The following ADAMTS18 variants were observed in gnomAD, a reference collection of about 807,000 sequenced individuals.
ADAMTS18 encodes the protein A disintegrin and metalloproteinase with thrombospondin motifs 18.
In ADAMTS18, 157 loss-of-function variants were observed where a neutral mutation model predicts 165.9. The ratio of observed to expected loss-of-function variants is 0.95; its 90% confidence interval spans 0.83 to 1.08. ADAMTS18 has a LOEUF of 1.08. ADAMTS18 is among the 50% of genes least tolerant of loss of function. The pLI is 0.00. For synonymous variants in ADAMTS18, 782 were observed against 578.2 expected, an observed-to-expected ratio of 1.35 and a Z score of -5.06; for missense variants, 2,040 against 1,534.0, an observed-to-expected ratio of 1.33 and a Z score of -5.51.
chr16:77,423,971 G>C (rs2057637850), intron 3 of ADAMTS18, among the ~76,000 whole-genome samples: 1 of 152,118 alleles, frequency 6.6e-6, no homozygotes, highest in East Asian at 1.9e-4. Flanking sequence ...CCTTCTCCTA[G>C]TTCAAAGTCA....
rs267604648 is a variant in ADAMTS18 at position 77,319,978 on chromosome 16, G to C, written c.2403C>G (p.Thr801=). The C allele has an allele frequency of 1.2e-6, 2 of 1,614,150 alleles. No individual in the cohort carries two copies. The highest frequency in any genetic ancestry group is 1.7e-6 in the Non-Finnish European group (2 of 1,180,008). Residue 801 remains threonine (T), a synonymous_variant, in exon 16 of 23, where the codon ACC becomes ACG. Transcript: ENST00000282849. ...VRSLSQKYYL[T]GGWSIDWPGE... ...CAGGCCAGTCGATGCTCCAGCCCCCGGTGAGGTAATACTTTTGACTGAGGC... is the reference window on the plus strand; with the variant it reads ...CAGGCCAGTCGATGCTCCAGCCCCCCGTGAGGTAATACTTTTGACTGAGGC...
rs556828121 is a variant in ADAMTS18, at chr16:77,405,559, G to A, written c.495+25736C>T. ...TTAAGCCTACAAAAGTTATTCCTCT[G>A]CTTTAATAGATGGGAGATCTTGAGT... On this transcript the variant is annotated intron_variant, in intron 3 of 22. Coordinates refer to ENST00000282849, the MANE Select transcript of ADAMTS18 (RefSeq NM_199355.4). 3.9e-5 allele frequency among the ~76,000 whole-genome samples: 6 copies of A among 152,280 alleles called. No homozygotes were observed. The South Asian group carries it at 1.0e-3, about 26-fold the overall frequency.
chr16:77,418,677 T>C (rs992357587), intron 3 of ADAMTS18, among the ~76,000 whole-genome samples: 9 of 152,308 alleles, frequency 5.9e-5, no homozygotes, highest in African/African-American at 1.7e-4. Flanking sequence ...TAAGAAAACT[T>C]GCTTCTTCTC....
chr16:77,396,340 TC>T (rs1386963231), intron 3 of ADAMTS18, among the ~76,000 whole-genome samples: 1 of 152,220 alleles, frequency 6.6e-6, no homozygotes, highest in Non-Finnish European at 1.5e-5. Context: ...AAGAAATTTA[TC>T]AATATGGCTT....
chr16:77,348,561 T>C (rs534073061), intron 10 of ADAMTS18, among the ~76,000 whole-genome samples: 1 of 152,340 alleles, frequency 6.6e-6, no homozygotes, highest in African/African-American at 2.4e-5. Context: ...TCACTCCTGC[T>C]GCTTTGAGGA....
chr16:77,419,930 C>T (rs1434186243), intron 3 of ADAMTS18, among the ~76,000 whole-genome samples: 4 of 140,902 alleles, frequency 2.8e-5, no homozygotes, highest in East Asian at 2.1e-4. Context: ...ACCCAGGAGG[C>T]GGAGGTTGCA....
At position 77,321,134 on chromosome 16, in the gene ADAMTS18, A is replaced by G. The variant is rs2055990197; in HGVS notation, c.2232T>C (p.Asp744=). Residue 744 remains aspartate (D), a synonymous_variant, in exon 15 of 23, where the codon GAT becomes GAC. Coordinates refer to ENST00000282849, the MANE Select transcript of ADAMTS18 (RefSeq NM_199355.4). ...CTTTATAAAACTTGCAAGTTGAATTATCACCTTTGCAAACGCCACAAGCAT... is the reference window on the plus strand; with the variant it reads ...CTTTATAAAACTTGCAAGTTGAATTGTCACCTTTGCAAACGCCACAAGCAT... The part of the protein sequence containing the change: ...VSDACGVCKG[D]NSTCKFYKGL... The G allele has an allele frequency of 2.5e-6, 4 of 1,614,198 alleles. No homozygotes were observed. The highest frequency in any genetic ancestry group is 3.4e-6 in the Non-Finnish European group (4 of 1,180,022).
intron 3 of ADAMTS18, among the ~76,000 whole-genome samples, chr16:77,392,918 T>TG (rs1244382082): frequency 2.6e-5 from 4 of 152,130 alleles, no homozygotes; most frequent in African/African-American, 7.2e-5. Flanking sequence ...ATGAGTGGGC[T>TG]GGCAGAGGGA....
At chr16:77,335,627 G>T in intron 12 of ADAMTS18, 129 bp downstream of exon 12, 2 of 1,142,500 alleles carry the variant, frequency 1.8e-6, no homozygotes, top group Non-Finnish European at 2.6e-6. Context: ...CCATAAATAT[G>T]TATAACCATT....
intron 16 of ADAMTS18, among the ~76,000 whole-genome samples, chr16:77,307,637 C>G (rs889506241): frequency 6.6e-6 from 1 of 152,314 alleles, no homozygotes. Context: ...GACGTGCCAT[C>G]GCAAAAGTAC....
chr16:77,338,762 G>C (rs2056351312), intron 11 of ADAMTS18, among the ~76,000 whole-genome samples: 1 of 151,642 alleles, frequency 6.6e-6, no homozygotes, highest in African/African-American at 2.4e-5. Context: ...GAGCATCCTG[G>C]CTAATACGGT....
chr16:77,413,520 C>T (rs1396613131), intron 3 of ADAMTS18, among the ~76,000 whole-genome samples: 1 of 152,102 alleles, frequency 6.6e-6, no homozygotes, highest in Non-Finnish European at 1.5e-5. Context: ...GACCTCAAGT[C>T]AGATACAATT....
At chr16:77,325,790 G>T in intron 13 of ADAMTS18, 76 bp downstream of exon 13, 2 of 1,434,712 alleles carry the variant, frequency 1.4e-6, no homozygotes, top group Non-Finnish European at 1.9e-6. Flanking sequence ...GATACAAGCA[G>T]CAATTTCTTC....
intron 3 of ADAMTS18, among the ~76,000 whole-genome samples, chr16:77,425,084 C>T (rs2057654703): frequency 6.6e-6 from 1 of 152,074 alleles, no homozygotes. Context: ...TCAAAGCGTC[C>T]CTACCGCCTA....
Position 77,300,340 on chromosome 16 carries a change from C to A in ADAMTS18, c.2597G>T (p.Gly866Val), listed in dbSNP as rs768098437. Residue 866 changes from glycine (G) to valine (V), a missense_variant, in exon 17 of 23, where the codon GGA becomes GTA. Gly to Val is a moderately radical substitution (Grantham distance 109). Transcript: ENST00000282849. ...WKYALPKVMN[G>V]TPPATKRPAY... is the part of the protein sequence containing the mutation. Reference sequence around the variant, plus strand: ...AGGTCTTTTTGTGGCTGGTGGAGTTCCATTCATGACCTTGGGAAGTGCATA... The same window carrying A: ...AGGTCTTTTTGTGGCTGGTGGAGTTACATTCATGACCTTGGGAAGTGCATA... 5.0e-6 allele frequency: 8 copies of A among 1,613,668 alleles called. No homozygotes were observed. The African/African-American group carries it at 8.0e-5, about 16-fold the overall frequency.
chr16:77,417,572 G>A (rs568211313), intron 3 of ADAMTS18, among the ~76,000 whole-genome samples: 50 of 152,324 alleles, frequency 3.3e-4, no homozygotes, highest in African/African-American at 1.2e-3. Flanking sequence ...GCAGATGGAA[G>A]AATTAGGTTC....
At chr16:77,313,238 G>A (rs2055816799) in intron 16 of ADAMTS18, among the ~76,000 whole-genome samples, 2 of 152,006 alleles carry the variant, frequency 1.3e-5, no homozygotes, top group South Asian at 4.2e-4. Context: ...GGTGGGAATT[G>A]AACAATGAGA....
chr16:77,365,437 A>T, intron 4 of ADAMTS18, among the ~76,000 whole-genome samples: 1 of 152,264 alleles, frequency 6.6e-6, no homozygotes, highest in East Asian at 1.9e-4. Context: ...CACAGACTTT[A>T]ACATAGCACA....
intron 3 of ADAMTS18, among the ~76,000 whole-genome samples, chr16:77,407,232 TC>T (rs1397733791): frequency 6.6e-6 from 1 of 152,062 alleles, no homozygotes; most frequent in Admixed American, 6.6e-5. Flanking sequence ...ATACAATTAT[TC>T]CATTTTAAAT....
Sources: gnomAD v4.1 joint callset for allele counts (sites outside exome capture counted in the v4.1 genomes callset) on GRCh38, gnomAD v4.1.1 for gene constraint, MANE v1.5 for transcripts, NCBI Gene and HGNC (gene_info 2026-07-23, HGNC 2026-07-21) for gene names.